SYT6: variants seen among roughly 807,000 people sequenced by gnomAD.
The protein encoded by SYT6 is synaptotagmin 6.
Under a neutral mutation model 38.4 loss-of-function variants are expected in SYT6, and 24 were observed. That is an observed-to-expected ratio of 0.62 (90% CI 0.45 to 0.88). SYT6 has a LOEUF of 0.88. SYT6 is among the 40% of genes least tolerant of loss of function. SYT6 has a pLI of 0.00. For synonymous variants in SYT6, 265 were observed against 241.9 expected, an observed-to-expected ratio of 1.10 and a Z score of -0.89; for missense variants, 611 against 621.0, an observed-to-expected ratio of 0.98 and a Z score of 0.17.
intron 3 of SYT6, among the ~76,000 whole-genome samples, chr1:114,129,574 T>TTCTTTC (rs1677973453): frequency 9.9e-6 from 1 of 100,790 alleles, no homozygotes; most frequent in African/African-American, 3.7e-5. Context: ...TTTTCTTTCT[T>TTCTTTC]TCTTTCTTTC....
chr1:114,109,197 G>A (rs1473607982), intron 3 of SYT6, among the ~76,000 whole-genome samples: 1 of 152,178 alleles, frequency 6.6e-6, no homozygotes, highest in Non-Finnish European at 1.5e-5. Flanking sequence ...CCTCTTCATA[G>A]CACACACTAC....
intron 1 of SYT6, among the ~76,000 whole-genome samples, chr1:114,143,783 T>C (rs1318150305): frequency 2.6e-5 from 4 of 152,170 alleles, no homozygotes; most frequent in Non-Finnish European, 2.9e-5. Context: ...AATGTTGTGA[T>C]TGGTTTGGAG....
intron 1 of SYT6, among the ~76,000 whole-genome samples, chr1:114,143,145 T>TACATATATGTATATACTGTATACAC (rs775116519): frequency 0.036 from 5,406 of 149,366 alleles, 199 homozygotes; most frequent in South Asian, 0.086. Context: ...TATGTATATA[T>TACATATATGTATATACTGTATACAC]ACATATATGT....
intron 3 of SYT6, among the ~76,000 whole-genome samples, chr1:114,111,945 A>G (rs1051984098): frequency 6.6e-6 from 1 of 152,118 alleles, no homozygotes; most frequent in Non-Finnish European, 1.5e-5. Flanking sequence ...GCTCCGCCTC[A>G]GGCCCGGGCT....
intron 3 of SYT6, among the ~76,000 whole-genome samples, chr1:114,132,424 G>A (rs933911514): frequency 6.6e-6 from 1 of 152,126 alleles, no homozygotes; most frequent in African/African-American, 2.4e-5. Context: ...TCACTGTGGG[G>A]TTTCGGCCTC....
chr1:114,092,284 A>C (rs556395986), intron 7 of SYT6, among the ~76,000 whole-genome samples: 1 of 149,902 alleles, frequency 6.7e-6, no homozygotes, highest in African/African-American at 2.5e-5. Flanking sequence ...AAAAAGACCT[A>C]CTGCAGAGAT....
intron 7 of SYT6, 32 bp downstream of exon 7, chr1:114,093,703 C>T: frequency 1.9e-6 from 3 of 1,603,902 alleles, no homozygotes; most frequent in Non-Finnish European, 1.7e-6. Context: ...AATAAGCAAC[C>T]TAACGTCTTT....
Position 114,092,532 on chromosome 1 carries a change from C to T in SYT6, c.*52-450G>A, listed in dbSNP as rs370179550. ...GCAATTTGTCTGGGAGCTGACAGTA[C>T]AGCTAAAAATCTGATACTGCTTTAG... On this transcript the variant is annotated intron_variant, in intron 7 of 7. Coordinates refer to ENST00000610222, the MANE Select transcript of SYT6 (RefSeq NM_001253772.2). 4.6e-5 allele frequency among the ~76,000 whole-genome samples: 7 copies of T among 152,206 alleles called. No individual in the cohort carries two copies. In the East Asian group the frequency reaches 1.3e-3, roughly 29 times the overall value.
At chr1:114,098,753 A>C (rs1003312655) in intron 5 of SYT6, among the ~76,000 whole-genome samples, 1 of 152,214 alleles carries the variant, frequency 6.6e-6, no homozygotes, top group African/African-American at 2.4e-5. Context: ...AGTAGTAGCA[A>C]CAGCAGAAAT....
In SYT6 at chr1:114,137,638, G is replaced by A. The variant is rs761017562; in HGVS notation, c.928C>T (p.Arg310Cys). 8.7e-6 allele frequency: 14 copies of A among 1,614,058 alleles called. No individual in the cohort carries two copies. The highest frequency in any genetic ancestry group is 5.3e-5 in the African/African-American group (4 of 74,924). The change falls in exon 3 of 8, where the codon CGC (arginine) becomes TGC (cysteine). Residue 310 changes from arginine to cysteine, a missense_variant. Arg to Cys is a radical substitution (Grantham distance 180). Transcript: ENST00000610222. Reference protein sequence around the residue: ...FPVPYEELADRKLHLSVFDFD... With the variant: ...FPVPYEELADCKLHLSVFDFD... ...TCGAAGACACTGAGATGCAGCTTGC[G>A]GTCAGCCAGCTCCTCATAGGGCACA...
At chr1:114,099,301 A>G in intron 4 of SYT6, 36 bp from the exon 5 acceptor site, 1 of 1,580,706 alleles carries the variant, frequency 6.3e-7, no homozygotes, top group South Asian at 1.2e-5. Context: ...GGAATGGAGT[A>G]TGTTAAACAG....
chr1:114,135,202 G>C (rs1316580771), intron 3 of SYT6, among the ~76,000 whole-genome samples: 1 of 152,040 alleles, frequency 6.6e-6, no homozygotes, highest in Non-Finnish European at 1.5e-5. Flanking sequence ...CAACTGGCTG[G>C]AATGCTCCCC....
At chr1:114,146,459 A>T (rs570322730) in intron 1 of SYT6, among the ~76,000 whole-genome samples, 207 of 152,206 alleles carry the variant, frequency 1.4e-3, no homozygotes, top group Non-Finnish European at 2.3e-3. Context: ...AGGAAATCAC[A>T]GGTGCACAAA....
chr1:114,107,278 C>T (rs643551), intron 3 of SYT6, among the ~76,000 whole-genome samples: 1 of 152,198 alleles, frequency 6.6e-6, no homozygotes, highest in African/African-American at 2.4e-5. Flanking sequence ...ATGGCTCCCT[C>T]CAGGGGAGCA....
At chr1:114,096,557 G>T (rs1675654069) in intron 6 of SYT6, among the ~76,000 whole-genome samples, 1 of 152,104 alleles carries the variant, frequency 6.6e-6, no homozygotes, top group Non-Finnish European at 1.5e-5. Context: ...AATCCCCTTG[G>T]CTCTCAGGCT....
intron 4 of SYT6, among the ~76,000 whole-genome samples, chr1:114,102,554 C>T (rs996596924): frequency 3.3e-5 from 5 of 152,126 alleles, no homozygotes; most frequent in Admixed American, 6.5e-5. Context: ...TATTTCCAAA[C>T]TCAAATACCT....
At chr1:114,098,584 G>A (rs1459760904) in intron 5 of SYT6, among the ~76,000 whole-genome samples, 2 of 152,222 alleles carry the variant, frequency 1.3e-5, no homozygotes, top group Non-Finnish European at 2.9e-5. Flanking sequence ...CAAGGGAAAA[G>A]CCTGGATCAC....
intron 1 of SYT6, among the ~76,000 whole-genome samples, chr1:114,144,697 G>T (rs1413415130): frequency 6.6e-6 from 1 of 152,014 alleles, no homozygotes; most frequent in South Asian, 2.1e-4. Flanking sequence ...TCTGAGCAAG[G>T]CTTGAATGCC....
intron 1 of SYT6, chr1:114,152,252 C>T (rs1679480130): frequency 6.6e-6 from 1 of 152,334 alleles, no homozygotes; most frequent in Non-Finnish European, 1.5e-5. Context: ...GGCTTCTCGT[C>T]CCTGGAGCAG....
Sources: gnomAD v4.1 joint callset for allele counts (sites outside exome capture counted in the v4.1 genomes callset) on GRCh38, gnomAD v4.1.1 for gene constraint, MANE v1.5 for transcripts, NCBI Gene and HGNC (gene_info 2026-07-23, HGNC 2026-07-21) for gene names.